RBFOX1: variants seen among roughly 807,000 people sequenced by gnomAD.
The protein encoded by RBFOX1 is RNA binding fox-1 homolog 1, also known as RNA binding protein fox-1 homolog 1.
A neutral mutation model predicts 57.7 loss-of-function variants in RBFOX1; 8 were observed. The ratio of observed to expected loss-of-function variants is 0.14; its 90% CI spans 0.08 to 0.25. The LOEUF (loss-of-function observed/expected upper bound fraction) is 0.25. Ranked by LOEUF, RBFOX1 falls within the 10% of genes least tolerant of loss-of-function variation. The probability of loss-of-function intolerance (pLI) is 1.00; values close to 1 mark genes in which losing one functional copy is unlikely to be tolerated. For synonymous variants in RBFOX1, 326 were observed against 222.4 expected, an observed-to-expected ratio of 1.47 and a Z score of -4.15; for missense variants, 611 against 548.5, an observed-to-expected ratio of 1.11 and a Z score of -1.14.
chr16:7,276,479 C>G (rs1188403337), intron 4 of RBFOX1, among the ~76,000 whole-genome samples: 2 of 152,156 alleles, frequency 1.3e-5, no homozygotes, highest in East Asian at 1.9e-4. Context: ...CCTCTATATT[C>G]TCTCTTTTTA....
chr16:5,969,179 C>A (rs185828103), intron 4 of RBFOX1, among the ~76,000 whole-genome samples: 2 of 151,264 alleles, frequency 1.3e-5, no homozygotes, highest in East Asian at 3.9e-4. Flanking sequence ...CAGCATTGAT[C>A]TTATTTTTGA....
In RBFOX1 at chr16:5,969,751, T is replaced by C. The variant is rs866847267; in HGVS notation, c.351+102416T>C. On this transcript the variant is annotated intron_variant, in intron 4 of 19. Coordinates refer to the RBFOX1 transcript ENST00000641259. ...TTTTAAAAAATTGTCCCTTGCTGTC[T>C]GCGATGTCTGTCCCCTCCTCCTCAC... 1.3e-5 allele frequency among the ~76,000 whole-genome samples: 2 copies of C among 152,270 alleles called. 1 individual carries two copies. The highest frequency in any genetic ancestry group is 4.1e-4 in the South Asian group (2 of 4,824).
intron 3 of RBFOX1, among the ~76,000 whole-genome samples, chr16:6,758,104 G>A (rs370744158): frequency 6.6e-6 from 1 of 152,022 alleles, no homozygotes; most frequent in Non-Finnish European, 1.5e-5. Flanking sequence ...TAAGTAAATG[G>A]TCCAAGTCAG....
At chr16:6,428,285 C>CAA (rs755273285) in intron 2 of RBFOX1, among the ~76,000 whole-genome samples, 2,024 of 50,268 alleles carry the variant, frequency 0.04, 47 homozygotes, top group South Asian at 0.078. Flanking sequence ...GACCTTGTCT[C>CAA]AAAAAAAAAA....
chr16:6,414,511 A>G (rs1163575661), intron 2 of RBFOX1, among the ~76,000 whole-genome samples: 1 of 152,220 alleles, frequency 6.6e-6, no homozygotes, highest in African/African-American at 2.4e-5. Flanking sequence ...GCAAACATCT[A>G]AATAAACAAG....
At chr16:5,644,420 C>T (rs903875429) in intron 3 of RBFOX1, among the ~76,000 whole-genome samples, 1 of 152,174 alleles carries the variant, frequency 6.6e-6, no homozygotes, top group African/African-American at 2.4e-5. Context: ...GGAGAATTCT[C>T]TAAGTCTGTG....
chr16:7,067,752 T>C (rs2056435368), intron 4 of RBFOX1, among the ~76,000 whole-genome samples: 1 of 144,918 alleles, frequency 6.9e-6, no homozygotes, highest in South Asian at 2.3e-4. Flanking sequence ...GTTCTCATTG[T>C]TCAATTCCTA....
intron 5 of RBFOX1, among the ~76,000 whole-genome samples, chr16:7,548,243 C>T (rs2085189109): frequency 1.3e-5 from 2 of 152,280 alleles, no homozygotes; most frequent in South Asian, 4.1e-4. Flanking sequence ...GTGATCTTGG[C>T]TCACTGCAAT....
chr16:5,898,799 C>A (rs1005987994), intron 4 of RBFOX1, among the ~76,000 whole-genome samples: 110 of 151,816 alleles, frequency 7.2e-4, no homozygotes, highest in African/African-American at 2.5e-3. Context: ...GTGGCTCATG[C>A]CTATAATCCC....
In RBFOX1 at chr16:6,450,790, CATATATATATGTAT is replaced by C. The variant is rs2094582903; in HGVS notation, c.-64+133744_-64+133757del. 4.3e-4 allele frequency among the ~76,000 whole-genome samples: 15 copies of C among 35,158 alleles called. 1 individual carries two copies. The highest frequency in any genetic ancestry group is 6.3e-4 in the Non-Finnish European group (13 of 20,474). 23.1% of individuals were successfully genotyped at this position (35,158 alleles called of 152,430 possible). Reference sequence around the variant, plus strand: ...GTGTATATATATATATATATATATACATATATATATGTATATATATATATATACATATATATATA... The same window carrying C: ...GTGTATATATATATATATATATATACATATATATATATACATATATATATA... On this transcript the variant is annotated intron_variant, in intron 2 of 15. Transcript: ENST00000550418.
chr16:6,825,161 G>A (rs966155055), intron 3 of RBFOX1, among the ~76,000 whole-genome samples: 17 of 150,664 alleles, frequency 1.1e-4, no homozygotes, highest in African/African-American at 3.4e-4. Context: ...CACCCTTGGC[G>A]TTGCTGGTCA....
chr16:5,244,813 G>C (rs1476054803), intron 1 of RBFOX1, among the ~76,000 whole-genome samples: 1 of 152,198 alleles, frequency 6.6e-6, no homozygotes, highest in Non-Finnish European at 1.5e-5. Flanking sequence ...AAGACACGGA[G>C]CACATTCCTG....
At chr16:5,243,248 C>T (rs553364839) in intron 1 of RBFOX1, among the ~76,000 whole-genome samples, 1 of 152,224 alleles carries the variant, frequency 6.6e-6, no homozygotes, top group East Asian at 1.9e-4. Context: ...CCAGGCACCT[C>T]GGCAGAGATT....
intron 3 of RBFOX1, among the ~76,000 whole-genome samples, chr16:6,733,675 A>G (rs909171051): frequency 9.2e-5 from 14 of 152,122 alleles, no homozygotes; most frequent in Non-Finnish European, 8.8e-5. Flanking sequence ...GGCAGGTCGC[A>G]TGAGCCCAGA....
intron 3 of RBFOX1, among the ~76,000 whole-genome samples, chr16:6,834,583 C>A (rs1232759776): frequency 6.6e-6 from 1 of 152,012 alleles, no homozygotes; most frequent in African/African-American, 2.4e-5. Flanking sequence ...TAAAAAGAAA[C>A]CTTGCAGAAA....
At chr16:7,181,820 C>G (rs2082770751) in intron 4 of RBFOX1, among the ~76,000 whole-genome samples, 1 of 152,124 alleles carries the variant, frequency 6.6e-6, no homozygotes, top group South Asian at 2.1e-4. Context: ...CTCAGCCTCC[C>G]AAAGTGCTAG....
intron 3 of RBFOX1, among the ~76,000 whole-genome samples, chr16:6,814,299 C>A (rs1458187332): frequency 6.6e-6 from 1 of 151,996 alleles, no homozygotes; most frequent in African/African-American, 2.4e-5. Context: ...CTTTTCTGAT[C>A]TTCAAACTGA....
At chr16:7,272,726 C>A (rs1361380108) in intron 4 of RBFOX1, among the ~76,000 whole-genome samples, 1 of 152,080 alleles carries the variant, frequency 6.6e-6, no homozygotes, top group Non-Finnish European at 1.5e-5. Context: ...GAAACAGACG[C>A]AGCTGAGAGC....
intron 3 of RBFOX1, among the ~76,000 whole-genome samples, chr16:6,692,532 T>C (rs958575411): frequency 1.3e-5 from 2 of 152,152 alleles, no homozygotes; most frequent in African/African-American, 2.4e-5. Flanking sequence ...TCCTGGTTCC[T>C]CTCTGAATTA....
Sources: gnomAD v4.1 joint callset for allele counts (sites outside exome capture counted in the v4.1 genomes callset) on GRCh38, gnomAD v4.1.1 for gene constraint, MANE v1.5 for transcripts, NCBI Gene and HGNC (gene_info 2026-07-23, HGNC 2026-07-21) for gene names.